Variants in GCSAML observed in about 807,000 individuals in gnomAD.
The protein encoded by GCSAML is germinal center-associated signaling and motility-like protein.
GCSAML carries 9 observed loss-of-function variants against 13.0 expected under a neutral mutation model. That is an observed-to-expected ratio of 0.69 (90% CI 0.42 to 1.21). The LOEUF (loss-of-function observed/expected upper bound fraction) is 1.21, where lower values mean the gene tolerates loss of function less well. GCSAML is among the 50% of genes most tolerant of loss of function. GCSAML has a pLI of 0.00. For synonymous variants in GCSAML, 37 were observed against 52.9 expected (o/e 0.70, Z 1.31); for missense variants, 143 against 153.4 (o/e 0.93, Z 0.36).
chr1:247,554,158 G>GTACAC (rs1245129748), intron 1 of GCSAML, among the ~76,000 whole-genome samples: 1 of 152,120 alleles, frequency 6.6e-6, no homozygotes, highest in Non-Finnish European at 1.5e-5. Context: ...TTTGTCACTT[G>GTACAC]AAGTTTGGTA....
At chr1:247,528,482 C>A (rs1439961917) in intron 2 of GCSAML, 1 of 152,190 alleles carries the variant, frequency 6.6e-6, no homozygotes, top group East Asian at 1.9e-4. Context: ...CCTGCATGAT[C>A]TCACCCATAT....
At chr1:247,524,128 T>A (rs1666560657) in intron 1 of GCSAML, among the ~76,000 whole-genome samples, 1 of 152,086 alleles carries the variant, frequency 6.6e-6, no homozygotes, top group Non-Finnish European at 1.5e-5. Flanking sequence ...TTTCTAAGCA[T>A]AACTCCAAGC....
At chr1:247,555,678 G>A (rs1025199709) in intron 1 of GCSAML, among the ~76,000 whole-genome samples, 8 of 152,176 alleles carry the variant, frequency 5.3e-5, no homozygotes, top group African/African-American at 1.9e-4. Flanking sequence ...GACCAGTGCT[G>A]CAGAAGTGAC....
intron 1 of GCSAML, among the ~76,000 whole-genome samples, chr1:247,508,218 G>A (rs1279074679): frequency 1.3e-5 from 2 of 152,242 alleles, no homozygotes; most frequent in East Asian, 1.9e-4. Flanking sequence ...TAAGTGGCAT[G>A]AGATGGTATC....
exon 1 of GCSAML, chr1:247,507,152 G>A (rs1361462471): frequency 6.6e-6 from 1 of 152,210 alleles, no homozygotes; most frequent in Non-Finnish European, 1.5e-5. Flanking sequence ...GAAGGAAGAT[G>A]AGCTGATGGC....
At chr1:247,537,746 G>A (rs1319505122) in intron 2 of GCSAML, among the ~76,000 whole-genome samples, 3 of 152,000 alleles carry the variant, frequency 2.0e-5, no homozygotes, top group African/African-American at 7.2e-5. Flanking sequence ...TTTCCCAGCA[G>A]CTAATAATGT....
intron 2 of GCSAML, among the ~76,000 whole-genome samples, chr1:247,533,010 G>T (rs1002516163): frequency 1.3e-5 from 2 of 152,130 alleles, no homozygotes; most frequent in Non-Finnish European, 2.9e-5. Context: ...GTCAGGTAGA[G>T]GGTGGTCATT....
chr1:247,547,565 G>A (rs1105489), upstream of GCSAML, among the ~76,000 whole-genome samples: 55,418 of 152,144 alleles, frequency 0.36, 11,751 homozygotes, highest in African/African-American at 0.59. Context: ...ATTTATTTCA[G>A]TAGCTCTCAA....
chr1:247,532,056 C>T (rs1390540566), intron 2 of GCSAML: 4 of 1,613,962 alleles, frequency 2.5e-6, no homozygotes, highest in South Asian at 1.1e-5. Flanking sequence ...TGGTCAGACC[C>T]CCCAGCCAGG....
upstream of GCSAML, among the ~76,000 whole-genome samples, chr1:247,544,852 TAAAACAAAAACAAAAC>T (rs1286582771): frequency 6.6e-6 from 1 of 152,052 alleles, no homozygotes; most frequent in African/African-American, 2.4e-5. Flanking sequence ...GGACCTGTCT[TAAAACAAAAACAAAAC>T]AAAACAAAAA....
At chr1:247,543,393 A>T (rs1182047243) in intron 2 of GCSAML, among the ~76,000 whole-genome samples, 1 of 152,204 alleles carries the variant, frequency 6.6e-6, no homozygotes, top group Non-Finnish European at 1.5e-5. Context: ...ATTTTTTATT[A>T]TTAATCTCTT....
At chr1:247,557,053 C>A in intron 2 of GCSAML, among the ~76,000 whole-genome samples, 1 of 152,072 alleles carries the variant, frequency 6.6e-6, no homozygotes, top group East Asian at 1.9e-4. Flanking sequence ...TCTTTTACTG[C>A]ACAATTAAAA....
At chr1:247,531,473 T>A (rs1210302155) in intron 2 of GCSAML, 2 of 1,454,446 alleles carry the variant, frequency 1.4e-6, no homozygotes, top group South Asian at 1.3e-5. Context: ...AAAAACGACA[T>A]CCCAAGTGCC....
At chr1:247,564,905 A>T (rs1001727824) in intron 3 of GCSAML, among the ~76,000 whole-genome samples, 8 of 152,224 alleles carry the variant, frequency 5.3e-5, no homozygotes, top group African/African-American at 1.9e-4. Context: ...ACCCAAAATT[A>T]TAAAAACCCT....
At chr1:247,508,236 G>A (rs1208661962) in intron 1 of GCSAML, among the ~76,000 whole-genome samples, 4 of 152,086 alleles carry the variant, frequency 2.6e-5, no homozygotes, top group Non-Finnish European at 5.9e-5. Flanking sequence ...ATCTCATTGT[G>A]GTTTTGATTT....
At chr1:247,556,559 C>T in intron 2 of GCSAML, 93 bp downstream of exon 2, 1 of 844,722 alleles carries the variant, frequency 1.2e-6, no homozygotes, top group Middle Eastern at 2.2e-4. Flanking sequence ...CTAGAACTAA[C>T]ACCCCTTAGG....
At chr1:247,533,061 C>T (rs181524866) in intron 2 of GCSAML, among the ~76,000 whole-genome samples, 51 of 152,318 alleles carry the variant, frequency 3.3e-4, no homozygotes, top group African/African-American at 1.2e-3. Context: ...ATTGTGCCCT[C>T]TCAAATTCCA....
At chr1:247,518,947 C>G (rs777332621) in intron 1 of GCSAML, among the ~76,000 whole-genome samples, 86 of 152,252 alleles carry the variant, frequency 5.6e-4, no homozygotes, top group East Asian at 1.4e-3. Flanking sequence ...TCTAATCACA[C>G]CACTGCACTC....
chr1:247,531,449 A>G, intron 2 of GCSAML: 1 of 1,239,268 alleles, frequency 8.1e-7, no homozygotes, highest in East Asian at 2.3e-5. Context: ...CTTGAGCTCA[A>G]ACAATATTAG....
Sources: gnomAD v4.1 joint callset for allele counts (sites outside exome capture counted in the v4.1 genomes callset) on GRCh38, gnomAD v4.1.1 for gene constraint, MANE v1.5 for transcripts, NCBI Gene and HGNC (gene_info 2026-07-23, HGNC 2026-07-21) for gene names.